CSMD1: variants seen among roughly 807,000 people sequenced by gnomAD.
CSMD1 encodes the protein CUB and Sushi multiple domains 1.
In CSMD1, 213 loss-of-function variants were observed where a neutral mutation model predicts 417.5. The observed-to-expected ratio is 0.51, with a 90% CI of 0.46 to 0.57. The LOEUF (loss-of-function observed/expected upper bound fraction) is 0.57. Among genes scored for constraint, CSMD1 ranks in the 20% least tolerant of loss-of-function variants. The pLI is 0.00. For missense variants in CSMD1, 6,923 were observed against 4,529.7 expected (o/e 1.53, Z -15.17); for synonymous variants, 2,862 against 1,736.8 (o/e 1.65, Z -16.11).
intron 3 of CSMD1, among the ~76,000 whole-genome samples, chr8:4,163,060 C>T (rs576276126): frequency 1.3e-5 from 2 of 152,272 alleles, no homozygotes; most frequent in East Asian, 1.9e-4. Flanking sequence ...CTTTGCATGG[C>T]TTTCGGTTAA....
rs537617374 is a variant in CSMD1, at chr8:4,010,644, A to G, written c.611-12534T>C. On this transcript the variant is annotated intron_variant, in intron 4 of 69. Coordinates refer to ENST00000635120, the MANE Select transcript of CSMD1 (RefSeq NM_033225.6). ...GTCACTTACCCAAACACCTAAACTC[A>G]TAATTTTTTGACTCATGGGACCTAG... 1.2e-4 allele frequency among the ~76,000 whole-genome samples: 18 copies of G among 152,136 alleles called. No homozygotes were observed. In the South Asian group the frequency reaches 3.7e-3, roughly 32 times the overall value.
At chr8:3,027,570 C>T (rs1008065537) in intron 51 of CSMD1, among the ~76,000 whole-genome samples, 1 of 152,148 alleles carries the variant, frequency 6.6e-6, no homozygotes, top group Non-Finnish European at 1.5e-5. Flanking sequence ...CACGTGTACA[C>T]GATGACATTC....
intron 26 of CSMD1, among the ~76,000 whole-genome samples, chr8:3,252,685 T>C (rs898116737): frequency 2.0e-5 from 3 of 152,220 alleles, no homozygotes; most frequent in Non-Finnish European, 4.4e-5. Flanking sequence ...TGAATCCATC[T>C]GGTCCTGGAC....
intron 10 of CSMD1, among the ~76,000 whole-genome samples, chr8:3,569,333 T>A (rs1235108232): frequency 1.3e-5 from 2 of 152,184 alleles, no homozygotes; most frequent in East Asian, 1.9e-4. Context: ...TTATTTTGCA[T>A]GAGGAGTTTT....
chr8:4,445,152 G>T (rs916418346), intron 2 of CSMD1, among the ~76,000 whole-genome samples: 1 of 152,200 alleles, frequency 6.6e-6, no homozygotes, highest in South Asian at 2.1e-4. Flanking sequence ...AAGATTGGGT[G>T]ATGGCACTAG....
chr8:3,957,751 G>C (rs55906500), intron 5 of CSMD1, among the ~76,000 whole-genome samples: 20,745 of 151,946 alleles, frequency 0.14, 1,642 homozygotes, highest in African/African-American at 0.2. Flanking sequence ...AAAGAAAAAA[G>C]AAAAGTATGA....
chr8:4,411,989 GGTGTGTGT>G (rs60793651), intron 3 of CSMD1, among the ~76,000 whole-genome samples: 14 of 148,942 alleles, frequency 9.4e-5, no homozygotes, highest in African/African-American at 2.7e-4. Context: ...CATAGCTAAG[GGTGTGTGT>G]GTGTGTGTGT....
At chr8:3,642,513 C>T (rs902865425) in intron 7 of CSMD1, among the ~76,000 whole-genome samples, 4 of 152,160 alleles carry the variant, frequency 2.6e-5, no homozygotes, top group African/African-American at 9.7e-5. Flanking sequence ...GAAAAACTGC[C>T]TTTATCCAGG....
At chr8:4,287,779 T>G (rs76172443) in intron 3 of CSMD1, among the ~76,000 whole-genome samples, 3,459 of 151,734 alleles carry the variant, frequency 0.023, 103 homozygotes, top group South Asian at 0.14. Context: ...GTTGAGCGAG[T>G]TGGACTCATA....
intron 7 of CSMD1, among the ~76,000 whole-genome samples, chr8:3,695,747 C>A (rs1362831168): frequency 6.6e-6 from 1 of 151,992 alleles, no homozygotes; most frequent in East Asian, 1.9e-4. Context: ...ACAGCTAAAC[C>A]CTAGTCTGAG....
chr8:3,455,400 G>C (rs2117125506), intron 12 of CSMD1, among the ~76,000 whole-genome samples: 1 of 152,312 alleles, frequency 6.6e-6, no homozygotes, highest in African/African-American at 2.4e-5. Flanking sequence ...GATTTTTAGA[G>C]TCTCCAGTTT....
chr8:3,734,480 G>T (rs183655161), intron 6 of CSMD1, among the ~76,000 whole-genome samples: 17 of 152,326 alleles, frequency 1.1e-4, no homozygotes, highest in Non-Finnish European at 2.2e-4. Context: ...AGAGGCTGAG[G>T]TGGGTGGATC....
intron 1 of CSMD1, among the ~76,000 whole-genome samples, chr8:4,946,188 G>A (rs1808357152): frequency 6.6e-6 from 1 of 152,142 alleles, no homozygotes; most frequent in African/African-American, 2.4e-5. Context: ...TGTTGTTTTG[G>A]TCTGACTCAA....
chr8:4,236,564 A>G (rs745345203), intron 3 of CSMD1, among the ~76,000 whole-genome samples: 6 of 152,222 alleles, frequency 3.9e-5, no homozygotes, highest in Non-Finnish European at 7.3e-5. Flanking sequence ...AACGTGATAG[A>G]AAGTTTTCAA....
intron 41 of CSMD1, among the ~76,000 whole-genome samples, chr8:3,131,059 G>A (rs1263429473): frequency 6.6e-6 from 1 of 152,074 alleles, no homozygotes; most frequent in Non-Finnish European, 1.5e-5. Flanking sequence ...TTGGCATTCT[G>A]GGAAGTCTAA....
At chr8:4,241,101 C>G (rs1802372347) in intron 3 of CSMD1, among the ~76,000 whole-genome samples, 1 of 152,102 alleles carries the variant, frequency 6.6e-6, no homozygotes, top group Non-Finnish European at 1.5e-5. Flanking sequence ...ACATAGAATC[C>G]TCTAAACCTG....
At chr8:3,799,244 G>T (rs1230879785) in intron 5 of CSMD1, among the ~76,000 whole-genome samples, 1 of 150,588 alleles carries the variant, frequency 6.6e-6, no homozygotes, top group Non-Finnish European at 1.5e-5. Context: ...TTTTTTCTTT[G>T]ATCACAGCAT....
chr8:3,426,494 T>C (rs1245657415), intron 12 of CSMD1, among the ~76,000 whole-genome samples: 3 of 152,202 alleles, frequency 2.0e-5, no homozygotes, highest in African/African-American at 7.2e-5. Context: ...CCACCTGCTC[T>C]TTCCCTCAAT....
chr8:4,690,430 G>A (rs1247253401), intron 1 of CSMD1, among the ~76,000 whole-genome samples: 2 of 152,134 alleles, frequency 1.3e-5, no homozygotes, highest in Non-Finnish European at 2.9e-5. Context: ...AGCCAAAAAA[G>A]AAGAAAGTTG....
Sources: allele counts gnomAD v4.1 joint callset (sites outside exome capture counted in the v4.1 genomes callset), GRCh38; gene constraint gnomAD v4.1.1; transcripts MANE v1.5; gene names NCBI Gene and HGNC (gene_info 2026-07-23, HGNC 2026-07-21).